TBXAS1: variants seen among roughly 807,000 people sequenced by gnomAD.
The protein encoded by TBXAS1 is thromboxane-A synthase.
Under a neutral mutation model 60.7 loss-of-function variants are expected in TBXAS1, and 48 were observed. That is an observed-to-expected ratio of 0.79 (90% CI 0.63 to 1.01). TBXAS1 has a LOEUF of 1.01. TBXAS1 is among the 50% of genes least tolerant of loss of function. The probability of loss-of-function intolerance (pLI) is 0.00; values close to 1 mark genes in which losing one functional copy is unlikely to be tolerated. For missense variants in TBXAS1, 685 were observed against 686.3 expected (o/e 1.00, Z 0.02); for synonymous variants, 287 against 269.7 (o/e 1.06, Z -0.63).
chr7:139,970,522 G>A (rs1482162764), intron 9 of TBXAS1, among the ~76,000 whole-genome samples: 1 of 152,222 alleles, frequency 6.6e-6, no homozygotes, highest in East Asian at 1.9e-4. Flanking sequence ...TCTCACGTGT[G>A]CTGGACATGG....
Position 140,020,067 on chromosome 7 carries a change from A to T in TBXAS1, c.1570A>T (p.Asn524Tyr). 1 of 1,613,358 alleles carries T rather than the reference A, an allele frequency of 6.2e-7. No individual in the cohort carries two copies. Among genetic ancestry groups the T allele is most frequent in the Non-Finnish European group, 8.5e-7 (1 of 1,179,520 alleles). ...ATCCAAATCTGCCCTAGGTCCAAAA[A>T]ATGGTGTCTATATCAAGATCGTATC... ...LESKSALGPK[N>Y]GVYIKIVSR The change falls in exon 13 of 13, where the codon AAT becomes TAT. Residue 524 changes from asparagine (N) to tyrosine (Y), a missense_variant. By Grantham distance (143) the Asn-to-Tyr change is moderately radical (BLOSUM62 -2). Coordinates refer to ENST00000448866, the MANE Select transcript of TBXAS1 (RefSeq NM_001061.7).
chr7:139,783,518 G>A (rs1377564689), intron 3 of TBXAS1, among the ~76,000 whole-genome samples: 1 of 152,198 alleles, frequency 6.6e-6, no homozygotes, highest in Non-Finnish European at 1.5e-5. Flanking sequence ...AAATTTCTGT[G>A]ATTATGGGAG....
At chr7:139,805,728 CTCTTTCTTTCTT>C (rs796223409) in intron 4 of TBXAS1, among the ~76,000 whole-genome samples, 18 of 110,998 alleles carry the variant, frequency 1.6e-4, no homozygotes, top group Admixed American at 5.7e-4. Flanking sequence ...CTCTCTCTCT[CTCTTTCTTTCTT>C]TCTTTCTTTC....
At chr7:139,909,789 C>G (rs1212849937) in intron 3 of TBXAS1, among the ~76,000 whole-genome samples, 2 of 152,170 alleles carry the variant, frequency 1.3e-5, no homozygotes, top group East Asian at 3.8e-4. Flanking sequence ...CTGCTCTGAG[C>G]TGGATACACC....
intron 9 of TBXAS1, among the ~76,000 whole-genome samples, chr7:140,003,827 C>T (rs1813867159): frequency 6.6e-6 from 1 of 152,180 alleles, no homozygotes; most frequent in East Asian, 1.9e-4. Flanking sequence ...TGGTTGCAGA[C>T]AATGGAATTC....
At chr7:139,889,521 C>T (rs1217800252) in intron 3 of TBXAS1, among the ~76,000 whole-genome samples, 1 of 152,100 alleles carries the variant, frequency 6.6e-6, no homozygotes, top group African/African-American at 2.4e-5. Context: ...TGTCCTCATC[C>T]TCATGTGTTC....
rs755034312 is a variant in TBXAS1 at position 139,961,974 on chromosome 7, T to C, written c.875T>C (p.Met292Thr). ...GATGCCCGACATTCTGCAAGTCCCATGGGCGTGCAAGACTTTGACATCGTC... is the reference window on the plus strand; with the variant it reads ...GATGCCCGACATTCTGCAAGTCCCACGGGCGTGCAAGACTTTGACATCGTC... ...VLDARHSASPMGVQDFDIVRD... is the reference protein window; with the variant it reads ...VLDARHSASPTGVQDFDIVRD... Residue 292 changes from methionine (M) to threonine (T), a missense_variant, in exon 9 of 13, where the codon ATG (methionine) becomes ACG (threonine). Physicochemically the swap from Met to Thr is moderately conservative, Grantham distance 81 (BLOSUM62 -1). Coordinates refer to ENST00000448866, the MANE Select transcript of TBXAS1 (RefSeq NM_001061.7). The C allele has an allele frequency of 1.3e-5, 21 of 1,614,144 alleles. 1 individual carries two copies. The South Asian group carries it at 2.1e-4, about 16-fold the overall frequency.
chr7:139,850,817 A>G (rs1410979414), intron 1 of TBXAS1, among the ~76,000 whole-genome samples: 1 of 152,152 alleles, frequency 6.6e-6, no homozygotes, highest in Non-Finnish European at 1.5e-5. Context: ...AGAGGGATGC[A>G]TCTACAAGCC....
intron 3 of TBXAS1, among the ~76,000 whole-genome samples, chr7:139,886,411 T>C: frequency 7.2e-6 from 1 of 138,194 alleles, no homozygotes; most frequent in South Asian, 2.3e-4. Context: ...TTTTTTTTTT[T>C]GGCCTCGGCT....
chr7:139,905,745 G>A (rs1805024941), intron 3 of TBXAS1, among the ~76,000 whole-genome samples: 1 of 152,128 alleles, frequency 6.6e-6, no homozygotes, highest in South Asian at 2.1e-4. Flanking sequence ...CCAGATGCAA[G>A]TCCTTAGTCA....
intron 10 of TBXAS1, among the ~76,000 whole-genome samples, chr7:140,012,892 G>C (rs1178163660): frequency 6.6e-6 from 1 of 152,200 alleles, no homozygotes; most frequent in Non-Finnish European, 1.5e-5. Flanking sequence ...GGTCTGAAGA[G>C]TGACAGCACG....
intron 9 of TBXAS1, among the ~76,000 whole-genome samples, chr7:139,966,829 G>T (rs565829419): frequency 6.6e-6 from 1 of 152,184 alleles, no homozygotes; most frequent in Non-Finnish European, 1.5e-5. Flanking sequence ...TGAGGATGCC[G>T]CCCTGCGGGA....
chr7:139,881,496 C>T (rs1465585820), intron 3 of TBXAS1, among the ~76,000 whole-genome samples: 1 of 152,096 alleles, frequency 6.6e-6, no homozygotes, highest in Admixed American at 6.6e-5. Context: ...GGAAATTCAT[C>T]CTTTTCCAAA....
chr7:139,888,732 T>G (rs1803314029), intron 3 of TBXAS1, among the ~76,000 whole-genome samples: 1 of 152,124 alleles, frequency 6.6e-6, no homozygotes. Flanking sequence ...TCAGAGGTTT[T>G]GGCTGAGATA....
chr7:139,779,066 G>T (rs1406873820), intron 1 of TBXAS1, among the ~76,000 whole-genome samples: 1 of 152,122 alleles, frequency 6.6e-6, no homozygotes, highest in East Asian at 1.9e-4. Context: ...TAAACCTTTT[G>T]TTTCGATTAT....
At chr7:139,966,004 T>G (rs2117407076) in intron 9 of TBXAS1, among the ~76,000 whole-genome samples, 1 of 152,224 alleles carries the variant, frequency 6.6e-6, no homozygotes, top group African/African-American at 2.4e-5. Context: ...TTCCTGAAAA[T>G]TTGCATGTAA....
chr7:139,998,979 A>G (rs1813482996), intron 9 of TBXAS1, among the ~76,000 whole-genome samples: 1 of 152,258 alleles, frequency 6.6e-6, no homozygotes. Flanking sequence ...TTTCTCGAGT[A>G]TGGATGAATT....
chr7:139,883,442 T>C (rs1032937725), intron 3 of TBXAS1, among the ~76,000 whole-genome samples: 4 of 152,226 alleles, frequency 2.6e-5, no homozygotes, highest in Admixed American at 2.6e-4. Context: ...ATCCTCTTTC[T>C]ATAACAGCAT....
At chr7:139,939,890 C>T (rs80243533) in intron 5 of TBXAS1, among the ~76,000 whole-genome samples, 3,139 of 152,184 alleles carry the variant, frequency 0.021, 109 homozygotes, top group African/African-American at 0.071. Flanking sequence ...GAAAGAAACA[C>T]GAGGACGAAA....
Sources: allele counts gnomAD v4.1 joint callset (sites outside exome capture counted in the v4.1 genomes callset), GRCh38; gene constraint gnomAD v4.1.1; transcripts MANE v1.5; gene names NCBI Gene and HGNC (gene_info 2026-07-23, HGNC 2026-07-21).